Variants in HTT observed in about 807,000 individuals in gnomAD.
The protein encoded by HTT is huntington disease protein.
In HTT, 104 loss-of-function variants were observed where a neutral mutation model predicts 362.3. That is an observed-to-expected ratio of 0.29 (90% CI 0.24 to 0.34). The LOEUF (loss-of-function observed/expected upper bound fraction) is 0.34. Among genes scored for constraint, HTT ranks in the 10% least tolerant of loss-of-function variants. The probability of loss-of-function intolerance (pLI) is 1.00; values close to 1 mark genes in which losing one functional copy is unlikely to be tolerated. For missense variants in HTT, 3,301 were observed against 3,928.6 expected (o/e 0.84, Z 4.27); for synonymous variants, 1,577 against 1,548.7 (o/e 1.02, Z -0.43).
chr4:3,140,747 C>T, intron 22 of HTT, 91 bp downstream of exon 22: 2 of 1,299,306 alleles, frequency 1.5e-6, no homozygotes, highest in African/African-American at 3.0e-5. Context: ...ATTTTATTTT[C>T]TAGAAAAAAG....
chr4:3,188,180 G>A, intron 39 of HTT: 1 of 270,194 alleles, frequency 3.7e-6, no homozygotes. Flanking sequence ...CAGGCAGTAG[G>A]GGCACGCTGA....
At chr4:3,136,523 T>C (rs948797248) in intron 21 of HTT, among the ~76,000 whole-genome samples, 197 bp downstream of exon 21, 3 of 151,654 alleles carry the variant, frequency 2.0e-5, no homozygotes, top group Non-Finnish European at 4.4e-5. Flanking sequence ...AACAACAAAA[T>C]ACTAACTGTC....
At chr4:3,209,714 T>A in intron 46 of HTT, 113 bp from the exon 47 acceptor site, 1 of 1,339,506 alleles carries the variant, frequency 7.5e-7, no homozygotes, top group Non-Finnish European at 1.0e-6. Context: ...CCGGCAGCCC[T>A]CTCAGCCTAG....
chr4:3,126,282 G>A (rs1397141989), intron 11 of HTT, among the ~76,000 whole-genome samples: 1 of 152,148 alleles, frequency 6.6e-6, no homozygotes, highest in African/African-American at 2.4e-5. Flanking sequence ...TTGAACTCCT[G>A]ACCTCAAGTG....
intron 2 of HTT, 59 bp from the exon 3 acceptor site, chr4:3,099,215 A>C (rs1005341568): frequency 3.3e-6 from 4 of 1,204,758 alleles, no homozygotes; most frequent in South Asian, 2.5e-5. Context: ...ACCTCATTAC[A>C]TTTCATTGTC....
chr4:3,171,672 T>C lies in HTT; in HGVS notation c.3865-648T>C, dbSNP rs537135283. 2.0e-5 allele frequency among the ~76,000 whole-genome samples: 3 copies of C among 152,218 alleles called. No homozygotes were observed. In the South Asian group the frequency reaches 6.2e-4, roughly 32 times the overall value. On this transcript the variant is annotated intron_variant, in intron 29 of 66. Coordinates refer to ENST00000355072, the MANE Select transcript of HTT (RefSeq NM_001388492.1). ...TTGTATTTTTGGTAGAGATGGGGTT[T>C]CACTATATTGGTCAGGCTGGTCTTG...
At chr4:3,146,970 A>T in intron 25 of HTT, 22 bp downstream of exon 25, 1 of 1,613,300 alleles carries the variant, frequency 6.2e-7, no homozygotes, top group East Asian at 2.2e-5. Flanking sequence ...GAGTTGAAAC[A>T]GGGACTCCAG....
chr4:3,155,910 AAAAG>A, intron 27 of HTT, among the ~76,000 whole-genome samples: 1 of 151,988 alleles, frequency 6.6e-6, no homozygotes, highest in Non-Finnish European at 1.5e-5. Flanking sequence ...AAAAAAAAAA[AAAAG>A]AAGAAATACA....
intron 8 of HTT, among the ~76,000 whole-genome samples, chr4:3,116,633 T>C (rs1400846302): frequency 1.3e-5 from 2 of 152,248 alleles, no homozygotes; most frequent in Admixed American, 6.5e-5. Context: ...GTATTTCAGC[T>C]GCAGCTTCTG....
In HTT at chr4:3,107,384, G is replaced by C; in HGVS notation, c.708G>C (p.Met236Ile). The C allele has an allele frequency of 2.5e-6, 4 of 1,614,138 alleles. No individual in the cohort carries two copies. Among genetic ancestry groups the C allele is most frequent in the African/African-American group, 1.3e-5 (1 of 75,032 alleles). The part of the protein sequence containing the change: ...ETLAAAVPKI[M>I]ASFGNFANDN... Reference sequence around the variant, plus strand: ...TGGCTGCAGCTGTTCCCAAAATTATGGCTTCTTTTGGCAATTTTGCAAATG... The same window carrying C: ...TGGCTGCAGCTGTTCCCAAAATTATCGCTTCTTTTGGCAATTTTGCAAATG... The change falls in exon 6 of 67, where the codon ATG becomes ATC. Residue 236 changes from methionine (M) to isoleucine (I), a missense_variant. Physicochemically the swap from Met to Ile is conservative, Grantham distance 10 (BLOSUM62 1). This residue lies in a region of HTT where 2,316 missense variants were observed against 2,658.5 expected (regional missense o/e 0.87). Coordinates refer to ENST00000355072, the MANE Select transcript of HTT (RefSeq NM_001388492.1).
At chr4:3,192,119 T>A (rs937360967) in intron 40 of HTT, among the ~76,000 whole-genome samples, 1 of 152,204 alleles carries the variant, frequency 6.6e-6, no homozygotes, top group Admixed American at 6.5e-5. Context: ...TAGGCTGAAG[T>A]GCAGTGGCAT....
chr4:3,233,585 CAT>C (rs767653850), intron 61 of HTT, among the ~76,000 whole-genome samples: 1 of 152,330 alleles, frequency 6.6e-6, no homozygotes, highest in East Asian at 1.9e-4. Context: ...GCTGCTGTCT[CAT>C]GTGGCGCTTA....
Position 3,186,660 on chromosome 4 carries a change from T to A in HTT, c.4930T>A (p.Ser1644Thr). 1 of 1,613,498 alleles carries A rather than the reference T, an allele frequency of 6.2e-7. No homozygotes were observed. The highest frequency in any genetic ancestry group is 8.5e-7 in the Non-Finnish European group (1 of 1,179,642). Reference sequence around the variant, plus strand: ...TACATTATTTGAGATTTTGGCCCCTTCCTCCCTCCGTCCGGTAGACATGCT... The same window carrying A: ...TACATTATTTGAGATTTTGGCCCCTACCTCCCTCCGTCCGGTAGACATGCT... ...LNTLFEILAP[S>T]SLRPVDMLLR... The change falls in exon 38 of 67, where the codon TCC (serine) becomes ACC (threonine). Residue 1644 changes from serine (S) to threonine (T), a missense_variant. Physicochemically the swap from Ser to Thr is moderately conservative, Grantham distance 58. Around this residue, in one of 4 missense-constraint regions of HTT, gnomAD observed 2,316 missense variants for 2,658.5 expected, o/e 0.87. Coordinates refer to ENST00000355072, the MANE Select transcript of HTT (RefSeq NM_001388492.1).
rs542838827 is a variant in HTT, at chr4:3,195,128, C to A, written c.5369-4604C>A. On this transcript the variant is annotated intron_variant, in intron 40 of 66. Coordinates refer to ENST00000355072, the MANE Select transcript of HTT (RefSeq NM_001388492.1). ...TGTAGCCGCTGCCACTTTCAGAATACCCACCATGGGCCCCAGTCACTGTGT... is the reference window on the plus strand; with the variant it reads ...TGTAGCCGCTGCCACTTTCAGAATAACCACCATGGGCCCCAGTCACTGTGT... Among the ~76,000 whole-genome samples the A allele has an allele frequency of 4.1e-4, 62 of 152,170 alleles. No homozygotes were observed. In the South Asian group the frequency reaches 5.8e-3, roughly 14 times the overall value.
intron 4 of HTT, among the ~76,000 whole-genome samples, 170 bp from the exon 5 acceptor site, chr4:3,105,187 T>C (rs1170484380): frequency 1.3e-5 from 2 of 152,248 alleles, no homozygotes; most frequent in Non-Finnish European, 2.9e-5. Flanking sequence ...TTTATATCTT[T>C]ATAATTGAAG....
chr4:3,209,094 C>T (rs1720011224), intron 46 of HTT, among the ~76,000 whole-genome samples, 183 bp downstream of exon 46: 1 of 152,204 alleles, frequency 6.6e-6, no homozygotes, highest in South Asian at 2.1e-4. Context: ...CCAAGCAGTG[C>T]TGATGTGGGA....
intron 31 of HTT, among the ~76,000 whole-genome samples, chr4:3,174,266 A>G (rs1198027678): frequency 1.3e-5 from 2 of 152,192 alleles, no homozygotes; most frequent in Non-Finnish European, 2.9e-5. Context: ...GGTATTAATA[A>G]GCATGTGAGT....
intron 5 of HTT, among the ~76,000 whole-genome samples, chr4:3,107,048 A>G (rs1714468526): frequency 6.6e-6 from 1 of 152,240 alleles, no homozygotes; most frequent in Non-Finnish European, 1.5e-5. Flanking sequence ...GATTTACTGC[A>G]AATAATTTTT....
intron 59 of HTT, among the ~76,000 whole-genome samples, chr4:3,229,524 A>G (rs534367457): frequency 1.3e-5 from 2 of 150,014 alleles, no homozygotes; most frequent in Non-Finnish European, 3.0e-5. Flanking sequence ...ACACACATGT[A>G]CGCACCACAC....
Sources: gnomAD v4.1 joint callset for allele counts (sites outside exome capture counted in the v4.1 genomes callset) on GRCh38, gnomAD v4.1.1 for gene constraint, gnomAD v4.1.1 regional missense constraint, MANE v1.5 for transcripts, NCBI Gene and HGNC (gene_info 2026-07-23, HGNC 2026-07-21) for gene names.